UPRT: variants seen among roughly 807,000 people sequenced by gnomAD.
UPRT encodes uracil phosphoribosyltransferase homolog.
UPRT carries 5 observed loss-of-function variants against 22.6 expected under a neutral mutation model. The observed-to-expected ratio is 0.22, with a 90% confidence interval of 0.12 to 0.47. UPRT has a LOEUF of 0.47. Ranked by LOEUF, UPRT falls within the 20% of genes least tolerant of loss-of-function variation. The pLI, the probability that UPRT is intolerant of heterozygous loss-of-function variation, is 0.99. For missense variants in UPRT, 181 were observed against 239.9 expected, an observed-to-expected ratio of 0.75 and a Z score of 1.62; for synonymous variants, 77 against 87.7, an observed-to-expected ratio of 0.88 and a Z score of 0.68.
At chrX:75,167,288 T>C (rs1481557102) in intron 3 of UPRT, among the ~76,000 whole-genome samples, 1 of 112,217 alleles carries the variant, frequency 8.9e-6, no homozygotes, top group African/African-American at 3.2e-5. Flanking sequence ...CTGATTTTCA[T>C]GTTCTTTTTT....
At position 75,187,738 on chromosome X, in the gene UPRT, C is replaced by T. The variant is rs765857407; in HGVS notation, c.-447+19859C>T. Among the ~76,000 whole-genome samples, 418 of 111,444 alleles carry T rather than the reference C, an allele frequency of 3.8e-3. 3 individuals carry two copies. Among genetic ancestry groups the T allele is most frequent in the African/African-American group, 0.013 (396 of 30,656 alleles). ...TGTTCATTTCTTTTTATTCTTTTTT[C>T]TCTAAACTTCCCTTCTTGCTTCATT... On this transcript the variant is annotated intron_variant, in intron 4 of 13. Transcript: ENST00000652605.
chrX:75,184,186 G>C (rs2082281044), intron 4 of UPRT, among the ~76,000 whole-genome samples: 1 of 111,212 alleles, frequency 9.0e-6, no homozygotes, highest in Admixed American at 9.6e-5. Flanking sequence ...AATCCATCTT[G>C]AATTGATTTT....
chrX:75,257,914 A>G (rs1486701000), intron 4 of UPRT, among the ~76,000 whole-genome samples: 1 of 111,239 alleles, frequency 9.0e-6, no homozygotes, highest in Admixed American at 9.6e-5. Flanking sequence ...GACTGGTTGG[A>G]CAGTGGGTGC....
chrX:75,166,448 T>A (rs1186235077), intron 3 of UPRT, among the ~76,000 whole-genome samples: 2 of 111,756 alleles, frequency 1.8e-5, no homozygotes, highest in Non-Finnish European at 3.8e-5. Flanking sequence ...TACGACAGCC[T>A]CCTCCATGGA....
chrX:75,200,614 T>C (rs2082344760), intron 4 of UPRT, among the ~76,000 whole-genome samples: 1 of 111,642 alleles, frequency 9.0e-6, no homozygotes, highest in Non-Finnish European at 1.9e-5. Context: ...TTATTCTTTA[T>C]AAACAGAGTT....
At chrX:75,300,239 G>T (rs1480176345) in intron 5 of UPRT, among the ~76,000 whole-genome samples, 1 of 111,330 alleles carries the variant, frequency 9.0e-6, no homozygotes, top group Admixed American at 9.5e-5. Context: ...ATTCTCTCTG[G>T]AGGTAACATT....
chrX:75,247,573 AGCC>A (rs1244934536), intron 4 of UPRT, among the ~76,000 whole-genome samples: 1 of 112,450 alleles, frequency 8.9e-6, no homozygotes, highest in Non-Finnish European at 1.9e-5. Flanking sequence ...AGGTAAACAA[AGCC>A]GCCAAGCTCG....
intron 4 of UPRT, among the ~76,000 whole-genome samples, chrX:75,209,666 C>T (rs994747429): frequency 8.9e-6 from 1 of 112,532 alleles, no homozygotes; most frequent in Non-Finnish European, 1.9e-5. Flanking sequence ...AGCTACTGTT[C>T]CTGGCCCAGT....
At position 75,257,109 on chromosome X, in the gene UPRT, A is replaced by G. The variant is rs185603549; in HGVS notation, c.-446-33915A>G. On this transcript the variant is annotated intron_variant, in intron 4 of 13. Transcript: ENST00000652605. ...AGTATCCCTGATGTACATAGATGCT[A>G]AAATCCTTAACAAAATACTAACTAA... Among the ~76,000 whole-genome samples, 8 of 112,254 alleles carry G rather than the reference A, an allele frequency of 7.1e-5. No individual in the cohort carries two copies. In the East Asian group the frequency reaches 2.2e-3, roughly 31 times the overall value.
chrX:75,176,929 C>T (rs1158981299), intron 4 of UPRT, among the ~76,000 whole-genome samples: 6 of 111,125 alleles, frequency 5.4e-5, no homozygotes, highest in Non-Finnish European at 5.7e-5. Context: ...GGTGCCAAGC[C>T]GTAGTGCAGA....
chrX:75,205,096 C>T (rs1311725135), intron 4 of UPRT, among the ~76,000 whole-genome samples: 2 of 110,919 alleles, frequency 1.8e-5, no homozygotes, highest in Non-Finnish European at 3.8e-5. Flanking sequence ...TTGGGCCGGG[C>T]GCGGTGGCTC....
chrX:75,207,140 T>C (rs986605280), intron 4 of UPRT, among the ~76,000 whole-genome samples: 6 of 112,495 alleles, frequency 5.3e-5, no homozygotes, highest in African/African-American at 1.9e-4. Flanking sequence ...TGGGTGTTCC[T>C]TTTGTAGTTA....
At chrX:75,246,429 T>C (rs2082506626) in intron 4 of UPRT, among the ~76,000 whole-genome samples, 1 of 110,433 alleles carries the variant, frequency 9.1e-6, no homozygotes, top group Admixed American at 9.7e-5. Context: ...ACAAAGGACA[T>C]GAACTCATCC....
chrX:75,202,244 A>G (rs931826449), intron 4 of UPRT, among the ~76,000 whole-genome samples: 2 of 111,214 alleles, frequency 1.8e-5, no homozygotes, highest in African/African-American at 6.5e-5. Context: ...GGAGGGAGAT[A>G]CTAAGATTCT....
At chrX:75,244,257 T>A (rs1011528722) in intron 4 of UPRT, among the ~76,000 whole-genome samples, 1 of 111,569 alleles carries the variant, frequency 9.0e-6, no homozygotes, top group African/African-American at 3.3e-5. Context: ...TACCTGTTAC[T>A]CATACTTCTT....
chrX:75,277,213 T>C (rs1237247650), intron 1 of UPRT, among the ~76,000 whole-genome samples: 1 of 111,818 alleles, frequency 8.9e-6, no homozygotes, highest in East Asian at 2.8e-4. Flanking sequence ...TGTGCCTTTT[T>C]TTTTAGAGGG....
At chrX:75,159,560 A>G (rs1379890855) in intron 1 of UPRT, among the ~76,000 whole-genome samples, 3 of 111,675 alleles carry the variant, frequency 2.7e-5, no homozygotes, top group Non-Finnish European at 5.6e-5. Flanking sequence ...CCGAATTTTA[A>G]TTAGAATGCC....
At chrX:75,213,669 G>A (rs2082385326) in intron 4 of UPRT, among the ~76,000 whole-genome samples, 1 of 111,373 alleles carries the variant, frequency 9.0e-6, no homozygotes, top group South Asian at 3.8e-4. Flanking sequence ...TAAAAAGAAA[G>A]TGGTAGTAGC....
chrX:75,253,009 A>T (rs150715759), intron 4 of UPRT, among the ~76,000 whole-genome samples: 2 of 110,556 alleles, frequency 1.8e-5, no homozygotes, highest in East Asian at 5.7e-4. Context: ...ACATGGACAC[A>T]GGTAGGGGAA....
Sources: gnomAD v4.1 joint callset for allele counts (sites outside exome capture counted in the v4.1 genomes callset) on GRCh38, gnomAD v4.1.1 for gene constraint, MANE v1.5 for transcripts, NCBI Gene and HGNC (gene_info 2026-07-23, HGNC 2026-07-21) for gene names.